The following ZBTB20 variants were observed in gnomAD, a reference collection of about 807,000 sequenced individuals.
ZBTB20 encodes zinc finger and BTB domain containing 20.
Under a neutral mutation model 56.9 loss-of-function variants are expected in ZBTB20, and 9 were observed. The ratio of observed to expected loss-of-function variants is 0.16; its 90% CI spans 0.10 to 0.28. ZBTB20 has a LOEUF of 0.28. ZBTB20 is among the 10% of genes least tolerant of loss of function. The probability of loss-of-function intolerance (pLI) is 1.00; values close to 1 mark genes in which losing one functional copy is unlikely to be tolerated. For synonymous variants in ZBTB20, 417 were observed against 420.7 expected (o/e 0.99, Z 0.11); for missense variants, 655 against 1,003.0 (o/e 0.65, Z 4.69).
intron 6 of ZBTB20, among the ~76,000 whole-genome samples, chr3:114,649,117 T>C (rs1402935421): frequency 6.6e-6 from 1 of 152,008 alleles, no homozygotes; most frequent in African/African-American, 2.4e-5. Flanking sequence ...GCCAAAAAGA[T>C]ACACTATTCC....
chr3:115,145,498 C>T (rs1434431446), intron 1 of ZBTB20, among the ~76,000 whole-genome samples: 5 of 152,046 alleles, frequency 3.3e-5, no homozygotes, highest in Non-Finnish European at 5.9e-5. Flanking sequence ...ACTTATAACA[C>T]CTAATACAAG....
At chr3:114,593,317 G>A (rs1170081634) in intron 6 of ZBTB20, among the ~76,000 whole-genome samples, 1 of 151,482 alleles carries the variant, frequency 6.6e-6, no homozygotes, top group Non-Finnish European at 1.5e-5. Context: ...AAACTAAAAA[G>A]AAGAATGACA....
chr3:114,495,988 C>T (rs533185303), intron 7 of ZBTB20, among the ~76,000 whole-genome samples: 4 of 152,102 alleles, frequency 2.6e-5, no homozygotes, highest in African/African-American at 9.6e-5. Flanking sequence ...ATCCCTCTGT[C>T]GAAATCATAG....
chr3:115,028,438 T>C (rs545349846), intron 2 of ZBTB20, among the ~76,000 whole-genome samples: 13 of 150,934 alleles, frequency 8.6e-5, no homozygotes, highest in Admixed American at 4.0e-4. Context: ...ATTAAAATGG[T>C]AATATCTTGG....
chr3:114,370,478 C>A (rs1468691981), intron 10 of ZBTB20, among the ~76,000 whole-genome samples: 1 of 152,182 alleles, frequency 6.6e-6, no homozygotes, highest in Non-Finnish European at 1.5e-5. Context: ...GCACCTGATA[C>A]TGACTGCTGA....
chr3:114,600,221 C>G (rs1438293805), intron 6 of ZBTB20, among the ~76,000 whole-genome samples: 2 of 151,982 alleles, frequency 1.3e-5, no homozygotes, highest in Non-Finnish European at 2.9e-5. Context: ...AGCAATTACA[C>G]TATAAAATCT....
chr3:114,525,901 A>G (rs1344927899), intron 6 of ZBTB20, among the ~76,000 whole-genome samples: 5 of 152,156 alleles, frequency 3.3e-5, no homozygotes, highest in African/African-American at 1.2e-4. Flanking sequence ...CCCTATGTCC[A>G]CTACACAGAA....
At chr3:114,789,253 G>A (rs561551167) in intron 5 of ZBTB20, among the ~76,000 whole-genome samples, 29 of 152,276 alleles carry the variant, frequency 1.9e-4, no homozygotes, top group African/African-American at 5.5e-4. Context: ...ACATAGAGCT[G>A]TATTATGCAT....
chr3:114,657,829 T>C (rs1185122444), intron 6 of ZBTB20, among the ~76,000 whole-genome samples: 2 of 152,160 alleles, frequency 1.3e-5, no homozygotes, highest in African/African-American at 4.8e-5. Flanking sequence ...AATTGGAGTT[T>C]AGTTTTATTT....
chr3:114,357,580 T>C (rs1438415713), intron 10 of ZBTB20, among the ~76,000 whole-genome samples: 1 of 152,224 alleles, frequency 6.6e-6, no homozygotes, highest in Non-Finnish European at 1.5e-5. Flanking sequence ...TTGGGGGGTA[T>C]GTATAGTTTT....
rs553781070 is a variant in ZBTB20, at chr3:114,569,586, A to T, written c.-294-69195T>A. ...CAGTTAAGAACTAATAGTTCTGAATAAAGATGGCGGTCATTCCACACTGAG... is the reference window on the plus strand; with the variant it reads ...CAGTTAAGAACTAATAGTTCTGAATTAAGATGGCGGTCATTCCACACTGAG... On this transcript the variant is annotated intron_variant, in intron 6 of 11. Transcript: ENST00000675478. 4.6e-5 allele frequency among the ~76,000 whole-genome samples: 7 copies of T among 152,372 alleles called. No homozygotes were observed. The East Asian group carries it at 9.6e-4, about 21-fold the overall frequency.
intron 6 of ZBTB20, among the ~76,000 whole-genome samples, chr3:114,552,822 A>G (rs1213746225): frequency 6.6e-6 from 1 of 152,214 alleles, no homozygotes; most frequent in East Asian, 1.9e-4. Flanking sequence ...TTGCTCATTC[A>G]TGACAAAGGT....
chr3:114,893,242 C>T (rs1435089325), intron 4 of ZBTB20, among the ~76,000 whole-genome samples: 1 of 152,152 alleles, frequency 6.6e-6, no homozygotes, highest in Non-Finnish European at 1.5e-5. Flanking sequence ...GTTTTAATTA[C>T]ACTATACAGA....
intron 10 of ZBTB20, among the ~76,000 whole-genome samples, chr3:114,371,366 G>T (rs1477458301): frequency 2.0e-5 from 3 of 152,132 alleles, no homozygotes; most frequent in Non-Finnish European, 4.4e-5. Flanking sequence ...GTGTCCTCAT[G>T]GAACTCACTG....
chr3:114,452,690 A>G (rs931338466), intron 7 of ZBTB20, among the ~76,000 whole-genome samples: 5 of 152,130 alleles, frequency 3.3e-5, no homozygotes, highest in African/African-American at 1.2e-4. Context: ...GTATATATCT[A>G]TATTTTCCCC....
chr3:114,398,309 T>G (rs2086513651), intron 7 of ZBTB20, among the ~76,000 whole-genome samples: 1 of 152,160 alleles, frequency 6.6e-6, no homozygotes, highest in East Asian at 1.9e-4. Flanking sequence ...AGACCCCAGC[T>G]TTTTGAGCAC....
chr3:114,949,673 C>T (rs981039470), intron 3 of ZBTB20, among the ~76,000 whole-genome samples: 8 of 141,854 alleles, frequency 5.6e-5, no homozygotes, highest in Non-Finnish European at 1.2e-4. Context: ...GAAGCTGAGG[C>T]AGGAGAATCG....
chr3:114,913,548 T>C (rs532918633), intron 3 of ZBTB20, among the ~76,000 whole-genome samples: 14 of 152,072 alleles, frequency 9.2e-5, no homozygotes, highest in Non-Finnish European at 2.1e-4. Context: ...CTTCACTTTG[T>C]TGATGGTTTC....
At chr3:114,655,339 G>C (rs1318439007) in intron 6 of ZBTB20, among the ~76,000 whole-genome samples, 1 of 135,512 alleles carries the variant, frequency 7.4e-6, no homozygotes, top group Admixed American at 8.4e-5. Flanking sequence ...TGCAAGCTCC[G>C]CTTCCCGGGT....
Sources: gnomAD v4.1 joint callset for allele counts (sites outside exome capture counted in the v4.1 genomes callset) on GRCh38, gnomAD v4.1.1 for gene constraint, MANE v1.5 for transcripts, NCBI Gene and HGNC (gene_info 2026-07-23, HGNC 2026-07-21) for gene names.